SCN11A: variants seen among roughly 807,000 people sequenced by gnomAD.
SCN11A encodes sodium voltage-gated channel alpha subunit 11.
A neutral mutation model predicts 162.2 loss-of-function variants in SCN11A; 122 were observed. That is an observed-to-expected ratio of 0.75 (90% confidence interval 0.65 to 0.87). SCN11A has a LOEUF of 0.87. SCN11A is among the 40% of genes least tolerant of loss of function. The probability of loss-of-function intolerance (pLI) is 0.00; values close to 1 mark genes in which losing one functional copy is unlikely to be tolerated. For missense variants in SCN11A, 2,015 were observed against 2,181.6 expected (o/e 0.92, Z 1.52); for synonymous variants, 758 against 751.5 (o/e 1.01, Z -0.14).
chr3:38,858,629 A>G (rs2064911657), intron 28 of SCN11A, among the ~76,000 whole-genome samples: 1 of 152,168 alleles, frequency 6.6e-6, no homozygotes, highest in Non-Finnish European at 1.5e-5. Context: ...ACAAAGAAAC[A>G]ATGGACTTAA....
chr3:39,033,522 G>T (rs959589731), intron 1 of SCN11A, among the ~76,000 whole-genome samples: 2 of 152,252 alleles, frequency 1.3e-5, no homozygotes, highest in East Asian at 3.9e-4. Context: ...AGACCTTGGG[G>T]GCTTGGAGAG....
intron 28 of SCN11A, among the ~76,000 whole-genome samples, chr3:38,855,982 G>A (rs1305229664): frequency 6.6e-6 from 1 of 152,198 alleles, no homozygotes; most frequent in African/African-American, 2.4e-5. Flanking sequence ...CTGCAGTCTG[G>A]CTTTCAGGAA....
chr3:38,995,819 GTCTA>G (rs373221139), intron 2 of SCN11A, among the ~76,000 whole-genome samples: 96 of 141,760 alleles, frequency 6.8e-4, no homozygotes, highest in Non-Finnish European at 1.1e-3. Context: ...CTATCTATCT[GTCTA>G]TCTATCTATC....
intron 7 of SCN11A, among the ~76,000 whole-genome samples, chr3:38,936,551 A>C (rs1022307506): frequency 4.6e-5 from 7 of 151,398 alleles, no homozygotes; most frequent in Non-Finnish European, 1.0e-4. Flanking sequence ...ATGTACAAAA[A>C]TCACAAGCAT....
intron 7 of SCN11A, among the ~76,000 whole-genome samples, chr3:38,934,843 C>T (rs1033870453): frequency 1.3e-5 from 2 of 151,778 alleles, no homozygotes; most frequent in Admixed American, 6.6e-5. Flanking sequence ...AACAAGGATA[C>T]CCAGGAATTG....
intron 7 of SCN11A, among the ~76,000 whole-genome samples, chr3:38,929,476 T>C (rs1271473164): frequency 5.3e-5 from 8 of 152,192 alleles, no homozygotes; most frequent in Admixed American, 5.2e-4. Flanking sequence ...AGATGAATAA[T>C]GATAATGTTG....
intron 28 of SCN11A, among the ~76,000 whole-genome samples, chr3:38,855,304 C>T (rs71323681): frequency 0.098 from 14,887 of 152,230 alleles, 866 homozygotes; most frequent in Middle Eastern, 0.16. Context: ...CCATAATCCC[C>T]TCTGGAACAT....
At chr3:38,957,526 C>T (rs1334575805) in intron 3 of SCN11A, among the ~76,000 whole-genome samples, 4 of 152,116 alleles carry the variant, frequency 2.6e-5, no homozygotes, top group Non-Finnish European at 4.4e-5. Flanking sequence ...CGGCCACATG[C>T]GGGTTACGAC....
chr3:38,932,249 G>T (rs551481131), intron 7 of SCN11A, among the ~76,000 whole-genome samples: 86 of 152,224 alleles, frequency 5.6e-4, no homozygotes, highest in Non-Finnish European at 1.0e-3. Flanking sequence ...AGCCAAGATG[G>T]CCGAATAGGA....
intron 29 of SCN11A, chr3:38,849,256 CCTTTTTT>C (rs1310285445): frequency 1.4e-5 from 1 of 72,936 alleles, no homozygotes; most frequent in African/African-American, 8.2e-5. Context: ...ATTTTCTAGC[CCTTTTTT>C]TTTTTTTTTT....
At chr3:38,919,258 C>A (rs1219770426) in intron 11 of SCN11A, among the ~76,000 whole-genome samples, 2 of 152,216 alleles carry the variant, frequency 1.3e-5, no homozygotes, top group South Asian at 4.1e-4. Context: ...TTCACAATTG[C>A]ATTCCTTGAG....
chr3:38,920,906 T>C (rs1180507627), intron 10 of SCN11A, among the ~76,000 whole-genome samples, 170 bp downstream of exon 10: 1 of 152,112 alleles, frequency 6.6e-6, no homozygotes, highest in Admixed American at 6.6e-5. Context: ...AGCCAAAGAA[T>C]GAGGCAATTC....
chr3:38,876,030 A>C (rs1451838095), intron 23 of SCN11A, among the ~76,000 whole-genome samples: 2 of 152,188 alleles, frequency 1.3e-5, no homozygotes, highest in African/African-American at 4.8e-5. Flanking sequence ...CCAATTGAAC[A>C]GAATAAAGAA....
intron 7 of SCN11A, among the ~76,000 whole-genome samples, chr3:38,927,730 GAAGCGAAGGGGA>G (rs2066166299): frequency 6.6e-6 from 1 of 152,152 alleles, no homozygotes; most frequent in African/African-American, 2.4e-5. Context: ...GAATGAGAGT[GAAGCGAAGGGGA>G]AAGCCCCTAA....
chr3:38,914,361 T>C (rs1311213788), intron 11 of SCN11A, among the ~76,000 whole-genome samples: 3 of 152,204 alleles, frequency 2.0e-5, no homozygotes, highest in Non-Finnish European at 4.4e-5. Flanking sequence ...TTTGCTGAAG[T>C]TGTTTATCAG....
In SCN11A at chr3:39,040,434, GATGCAC is replaced by G. The variant is rs1229996381; in HGVS notation, c.-403-7937_-403-7932del. Among the ~76,000 whole-genome samples the G allele has an allele frequency of 4.6e-5, 7 of 152,304 alleles. No individual in the cohort carries two copies. In the South Asian group the frequency reaches 1.4e-3, roughly 32 times the overall value. The stretch of plus-strand genomic sequence containing the variant: ...ATTGGAAGAGGTGACTATTTTACCA[GATGCAC>G]AGAAATCAACATAGGAACACAAGAA... On this transcript the variant is annotated intron_variant, in intron 1 of 29. Transcript: ENST00000302328.
At chr3:38,995,008 A>AG (rs1467526833) in intron 2 of SCN11A, among the ~76,000 whole-genome samples, 1 of 152,138 alleles carries the variant, frequency 6.6e-6, no homozygotes, top group Non-Finnish European at 1.5e-5. Flanking sequence ...CTCCACCCTC[A>AG]AAGATACAGA....
chr3:38,907,010 A>G (rs1317284213), intron 14 of SCN11A, among the ~76,000 whole-genome samples: 1 of 151,370 alleles, frequency 6.6e-6, no homozygotes, highest in Non-Finnish European at 1.5e-5. Context: ...GCTTTTGCAC[A>G]TTCTATTCTC....
At chr3:38,953,561 T>G (rs2066646878) in intron 4 of SCN11A, among the ~76,000 whole-genome samples, 68 bp downstream of exon 4, 1 of 151,948 alleles carries the variant, frequency 6.6e-6, no homozygotes, top group African/African-American at 2.4e-5. Flanking sequence ...ATGCATGGAT[T>G]TGAGAGTTAA....
Sources: gnomAD v4.1 joint callset for allele counts (sites outside exome capture counted in the v4.1 genomes callset) on GRCh38, gnomAD v4.1.1 for gene constraint, MANE v1.5 for transcripts, NCBI Gene and HGNC (gene_info 2026-07-23, HGNC 2026-07-21) for gene names.